IL34: variants seen among roughly 807,000 people sequenced by gnomAD.
The protein encoded by IL34 is interleukin 34.
In IL34, 17 loss-of-function variants were observed where a neutral mutation model predicts 25.3. That is an observed-to-expected ratio of 0.67 (90% CI 0.46 to 1.01). IL34 has a LOEUF of 1.01. IL34 is among the 50% of genes least tolerant of loss of function. The pLI, the probability that IL34 is intolerant of heterozygous loss-of-function variation, is 0.00. For synonymous variants in IL34, 174 were observed against 140.9 expected, an observed-to-expected ratio of 1.23 and a Z score of -1.66; for missense variants, 368 against 312.9, an observed-to-expected ratio of 1.18 and a Z score of -1.33.
At chr16:70,644,686 T>C (rs1315285395), upstream of IL34, among the ~76,000 whole-genome samples, 2 of 131,400 alleles carry the variant, frequency 1.5e-5, no homozygotes, top group Admixed American at 9.0e-5. Context: ...AGCAGGGGAA[T>C]TGCCAGGGTG....
At chr16:70,644,650 G>A (rs1042030922), upstream of IL34, among the ~76,000 whole-genome samples, 1 of 142,894 alleles carries the variant, frequency 7.0e-6, no homozygotes, top group Non-Finnish European at 1.5e-5. Context: ...TTCTAGATAC[G>A]TTAGTGTTTG....
chr16:70,622,915 G>A (rs1248421315), intron 1 of IL34, among the ~76,000 whole-genome samples: 1 of 152,052 alleles, frequency 6.6e-6, no homozygotes, highest in African/African-American at 2.4e-5. Flanking sequence ...AAAACATTAA[G>A]GTCAAATTGT....
Position 70,646,943 on chromosome 16 carries a change from C to A in IL34, c.-5C>A. The A allele has an allele frequency of 6.8e-7, 1 of 1,475,610 alleles. No individual in the cohort carries two copies. Among genetic ancestry groups the A allele is most frequent in the Non-Finnish European group, 8.9e-7 (1 of 1,118,904 alleles). 91.4% of individuals were successfully genotyped at this position (1,475,610 alleles called of 1,614,324 possible). A position where few individuals can be genotyped will look rare whatever the true frequency, so the allele number is the denominator to read the frequency against. ...TGAGCTCTCAGGGGGACGAGGAACA[C>A]CACCATGCCCCGGGGCTTCACCTGG... On this transcript the variant is annotated 5_prime_UTR_variant, in exon 1 of 6. Transcript: ENST00000288098.
chr16:70,600,931 G>A (rs2050905719), intron 1 of IL34, among the ~76,000 whole-genome samples: 1 of 129,078 alleles, frequency 7.7e-6, no homozygotes, highest in African/African-American at 4.1e-5. Context: ...GCTGGCAGAA[G>A]CAGGGCTGCT....
At chr16:70,599,869 G>C (rs561249181) in intron 1 of IL34, among the ~76,000 whole-genome samples, 1 of 151,874 alleles carries the variant, frequency 6.6e-6, no homozygotes, top group South Asian at 2.1e-4. Flanking sequence ...TTGTAGAGAT[G>C]GGGTCTCCCT....
intron 1 of IL34, among the ~76,000 whole-genome samples, chr16:70,607,924 T>G (rs1240962111): frequency 6.6e-6 from 1 of 151,736 alleles, no homozygotes; most frequent in Non-Finnish European, 1.5e-5. Flanking sequence ...AGGGTCACCA[T>G]GCCTGGCTAA....
intron 1 of IL34, among the ~76,000 whole-genome samples, chr16:70,647,330 T>A (rs976181495): frequency 1.3e-5 from 2 of 151,782 alleles, no homozygotes; most frequent in Non-Finnish European, 2.9e-5. Context: ...GTATGGCCGG[T>A]GGAGGGGGGC....
chr16:70,620,677 A>C (rs1171470943), intron 1 of IL34, among the ~76,000 whole-genome samples: 2 of 152,272 alleles, frequency 1.3e-5, no homozygotes, highest in East Asian at 3.9e-4. Flanking sequence ...GAATGCCTGG[A>C]CGTCAGGCAC....
At chr16:70,632,730 G>C (rs898002160) in intron 1 of IL34, among the ~76,000 whole-genome samples, 2 of 152,154 alleles carry the variant, frequency 1.3e-5, no homozygotes, top group Non-Finnish European at 2.9e-5. Flanking sequence ...TGACAGATGA[G>C]CAAGAAGGGA....
chr16:70,582,247 C>T (rs917187336), intron 1 of IL34, among the ~76,000 whole-genome samples: 35 of 152,362 alleles, frequency 2.3e-4, no homozygotes, highest in African/African-American at 7.7e-4. Context: ...CTGGGGGACC[C>T]CCAAGCTTTC....
At chr16:70,635,343 C>T (rs1281956839) in intron 1 of IL34, among the ~76,000 whole-genome samples, 2 of 152,216 alleles carry the variant, frequency 1.3e-5, no homozygotes, top group Non-Finnish European at 2.9e-5. Flanking sequence ...AAGCTAAACA[C>T]CCTCCAGCTG....
chr16:70,585,168 C>G (rs1478246305), intron 1 of IL34, among the ~76,000 whole-genome samples: 1 of 152,194 alleles, frequency 6.6e-6, no homozygotes, highest in Non-Finnish European at 1.5e-5. Context: ...CTATGAGTTT[C>G]ACTGCTGTAA....
At chr16:70,659,298 T>G (rs948402872) in intron 4 of IL34, among the ~76,000 whole-genome samples, 5 of 152,138 alleles carry the variant, frequency 3.3e-5, no homozygotes, top group African/African-American at 1.2e-4. Context: ...GGTCAGGGGG[T>G]CCTCACGCAG....
chr16:70,610,099 G>A (rs994649507), intron 1 of IL34, among the ~76,000 whole-genome samples: 3 of 152,120 alleles, frequency 2.0e-5, no homozygotes, highest in Non-Finnish European at 4.4e-5. Context: ...CCACTCTGGA[G>A]GCTGAGGCAG....
chr16:70,634,967 T>TA (rs1190536655), intron 1 of IL34, among the ~76,000 whole-genome samples: 3 of 152,238 alleles, frequency 2.0e-5, no homozygotes, highest in Admixed American at 6.5e-5. Flanking sequence ...GCACAGTTCA[T>TA]ACGTCCAGTC....
At chr16:70,645,680 T>C (rs2051909401), upstream of IL34, among the ~76,000 whole-genome samples, 1 of 152,186 alleles carries the variant, frequency 6.6e-6, no homozygotes, top group South Asian at 2.1e-4. Flanking sequence ...TCTTAACCTT[T>C]CTGGGCCTCA....
chr16:70,585,283 G>C (rs2050679539), intron 1 of IL34, among the ~76,000 whole-genome samples: 2 of 152,146 alleles, frequency 1.3e-5, no homozygotes, highest in African/African-American at 4.8e-5. Context: ...TGTCATCCAG[G>C]CTTGAGTGCA....
Position 70,624,942 on chromosome 16 carries a change from C to T in IL34, c.-400-21606C>T, listed in dbSNP as rs200450301. ...GGAGGGAAAGAAGGAAGATTTGGTA[C>T]GAGTTGCATTGGGCACAGAGACTAG... is the stretch of plus-strand genomic sequence containing the variant. On this transcript the variant is annotated intron_variant, in intron 1 of 6. Transcript: ENST00000429149. Among the ~76,000 whole-genome samples the T allele has an allele frequency of 4.7e-3, 711 of 151,854 alleles. 7 individuals carry two copies. Among genetic ancestry groups the T allele is most frequent in the African/African-American group, 0.015 (605 of 41,426 alleles).
At chr16:70,642,369 C>G (rs888573139), upstream of IL34, among the ~76,000 whole-genome samples, 6 of 147,338 alleles carry the variant, frequency 4.1e-5, no homozygotes, top group African/African-American at 1.5e-4. Flanking sequence ...ATGATCTCGG[C>G]TCACTGCAAA....
Sources: allele counts gnomAD v4.1 joint callset (sites outside exome capture counted in the v4.1 genomes callset), GRCh38; gene constraint gnomAD v4.1.1; transcripts MANE v1.5; gene names NCBI Gene and HGNC (gene_info 2026-07-23, HGNC 2026-07-21).